Variants in ADPRHL1 observed in about 807,000 individuals in gnomAD.
The protein encoded by ADPRHL1 is ADP-ribosylhydrolase like 1.
Under a neutral mutation model 44.1 loss-of-function variants are expected in ADPRHL1, and 43 were observed. The observed-to-expected ratio is 0.98, with a 90% CI of 0.76 to 1.26. The LOEUF is 1.26. Ranked by LOEUF, ADPRHL1 falls within the 50% of genes most tolerant of loss-of-function variation. The pLI is 0.00. For synonymous variants in ADPRHL1, 878 were observed against 1,017.4 expected (o/e 0.86, Z 2.61); for missense variants, 2,022 against 2,496.9 (o/e 0.81, Z 4.05).
At chr13:113,431,099 A>T (rs984117278) in intron 3 of ADPRHL1, among the ~76,000 whole-genome samples, 3 of 152,032 alleles carry the variant, frequency 2.0e-5, no homozygotes, top group Admixed American at 2.0e-4. Flanking sequence ...ACAGCCACCT[A>T]GGAGAGGGGC....
chr13:113,435,214 C>G lies in ADPRHL1; in HGVS notation c.380-1347G>C, dbSNP rs74406937. Among the ~76,000 whole-genome samples, 60 of 12,528 alleles carry G rather than the reference C, an allele frequency of 4.8e-3. 2 individuals are homozygous for G. Among genetic ancestry groups the G allele is most frequent in the East Asian group, 9.1e-3 (2 of 220 alleles). The allele number at this position is 12,528 out of a possible 152,430, so 8.2% of individuals were successfully genotyped here. A position where few individuals can be genotyped will look rare whatever the true frequency, so the allele number is the denominator to read the frequency against. On this transcript the variant is annotated intron_variant, in intron 2 of 7. Transcript: ENST00000612156. ...GAGGCGTAGAGTGAACATAGGTGTA[C>G]CCCGGGACCCAGCACCCAGGTGTAG... is the stretch of plus-strand genomic sequence containing the variant.
intron 7 of ADPRHL1, among the ~76,000 whole-genome samples, chr13:113,419,055 T>TTTCCTTCCCTCCCTCC (rs1566470041): frequency 7.9e-6 from 1 of 126,190 alleles, no homozygotes; most frequent in African/African-American, 2.9e-5. Flanking sequence ...CCTTCCTTCT[T>TTTCCTTCCCTCCCTCC]CTCCTTCCTT....
At chr13:113,429,606 C>T (rs538259455) in intron 3 of ADPRHL1, among the ~76,000 whole-genome samples, 1 of 152,264 alleles carries the variant, frequency 6.6e-6, no homozygotes, top group East Asian at 1.9e-4. Context: ...ATTGGGAACA[C>T]CGCGTCACGT....
chr13:113,451,878 G>A (rs1025014783), intron 1 of ADPRHL1, among the ~76,000 whole-genome samples: 3 of 152,156 alleles, frequency 2.0e-5, no homozygotes, highest in Admixed American at 6.5e-5. Context: ...GTGTCCTGTT[G>A]GGCCGATCTC....
At position 113,405,765 on chromosome 13, in the gene ADPRHL1, C is replaced by G. The variant is rs1417220471; in HGVS notation, c.3517G>C (p.Gly1173Arg). The G allele has an allele frequency of 8.1e-7, 1 of 1,231,800 alleles. No homozygotes were observed. The highest frequency in any genetic ancestry group is 1.0e-6 in the Non-Finnish European group (1 of 988,028). 76.3% of individuals were successfully genotyped at this position (1,231,800 alleles called of 1,614,324 possible). A position where few individuals can be genotyped will look rare whatever the true frequency, so the allele number is the denominator to read the frequency against. The change falls in exon 8 of 8, where the codon GGC becomes CGC. Residue 1173 changes from glycine (G) to arginine (R), a missense_variant. Around this residue, in one of 8 missense-constraint regions of ADPRHL1, gnomAD observed 1,221 missense variants for 1,517.8 expected, o/e 0.80. Coordinates refer to ENST00000612156, the MANE Select transcript of ADPRHL1 (RefSeq NM_001394807.1). ...AAGGATCCCCCAGGGGCCAGGAGGCCGTGGCTGTGAGGGTCTCGAGGGAGA... is the reference window on the plus strand; with the variant it reads ...AAGGATCCCCCAGGGGCCAGGAGGCGGTGGCTGTGAGGGTCTCGAGGGAGA... ...EALPRDPHSH[G>R]LLAPGGSLEP...
intron 2 of ADPRHL1, 146 bp from the exon 3 acceptor site, chr13:113,434,013 C>G: frequency 8.0e-7 from 1 of 1,242,488 alleles, no homozygotes; most frequent in Non-Finnish European, 1.1e-6. Flanking sequence ...GAGCCATGGG[C>G]AGGCCACTCA....
rs892859389 is a variant in ADPRHL1, at chr13:113,407,627, C to T, written c.1655G>A (p.Arg552Gln). The change falls in exon 8 of 8, where the codon CGG (arginine) becomes CAG (glutamine). Residue 552 changes from arginine (R) to glutamine (Q), a missense_variant. This residue lies in a region of ADPRHL1 where 1,221 missense variants were observed against 1,517.8 expected (regional missense o/e 0.80). Coordinates refer to ENST00000612156, the MANE Select transcript of ADPRHL1 (RefSeq NM_001394807.1). ...GCAGCTGTTCTGCTCGAACTTCTCC[C>T]GCAGCTTGGACAGCACCGAGCTCTT... ...MGKSSVLSKL[R>Q]EKFEQNSCLC... is the part of the protein sequence containing the mutation. 6.4e-5 allele frequency: 79 copies of T among 1,231,976 alleles called. No individual in the cohort carries two copies. Among genetic ancestry groups the T allele is most frequent in the Admixed American group, 8.4e-5 (2 of 23,708 alleles). 76.3% of individuals were successfully genotyped at this position (1,231,976 alleles called of 1,614,324 possible). A position where few individuals can be genotyped will look rare whatever the true frequency, so the allele number is the denominator to read the frequency against.
intron 6 of ADPRHL1, among the ~76,000 whole-genome samples, chr13:113,423,974 C>G (rs768631464): frequency 6.6e-6 from 1 of 152,192 alleles, no homozygotes; most frequent in East Asian, 1.9e-4. Context: ...CTGGAGCTCA[C>G]AGCAGGCACC....
At chr13:113,425,419 C>T (rs12870456) in intron 4 of ADPRHL1, among the ~76,000 whole-genome samples, 121,182 of 152,216 alleles carry the variant, frequency 0.8, 48,971 homozygotes, top group Non-Finnish European at 0.87. Flanking sequence ...TCTTTTTTTC[C>T]TGAGACGAAG....
intron 1 of ADPRHL1, among the ~76,000 whole-genome samples, chr13:113,446,472 C>T (rs900623706): frequency 7.2e-5 from 11 of 152,326 alleles, no homozygotes; most frequent in South Asian, 4.1e-4. Flanking sequence ...GAGGCGTGGC[C>T]GGCTGGCCTG....
In ADPRHL1 at chr13:113,400,208, C is replaced by G. The variant is rs1043374426; in HGVS notation, c.*3170G>C. 3.4e-5 allele frequency: 5 copies of G among 146,068 alleles called. No homozygotes were observed. The highest frequency in any genetic ancestry group is 7.6e-5 in the African/African-American group (3 of 39,304). 9.0% of individuals were successfully genotyped at this position (146,068 alleles called of 1,614,324 possible). A position where few individuals can be genotyped will look rare whatever the true frequency, so the allele number is the denominator to read the frequency against. On this transcript the variant is annotated 3_prime_UTR_variant, in exon 8 of 8. Transcript: ENST00000612156. ...TCACCCAGGCTGGAGTGCAGTGGCG[C>G]AATCTCGGCTCACTGCAAGCTCCAC...
In ADPRHL1 at chr13:113,444,554, C is replaced by T; in HGVS notation, c.250G>A (p.Val84Met). 6.2e-7 allele frequency: 1 copy of T among 1,614,182 alleles called. No individual in the cohort carries two copies. Among genetic ancestry groups the T allele is most frequent in the Non-Finnish European group, 8.5e-7 (1 of 1,180,040 alleles). Residue 84 changes from valine to methionine, a missense_variant, in exon 2 of 8, where the codon GTG (valine) becomes ATG (methionine). Physicochemically the swap from Val to Met is conservative, Grantham distance 21. This residue lies in a region of ADPRHL1 where 437 missense variants were observed against 430.7 expected (regional missense o/e 1.01). Coordinates refer to ENST00000612156, the MANE Select transcript of ADPRHL1 (RefSeq NM_001394807.1). ...TCAACGATTTCCACATAGCATCTCA[C>T]CATCTCCCGGTACAGATCATCCAGG... ...WCLDDLYREM[V>M]RCYVEIVEKL...
Position 113,433,800 on chromosome 13 carries a change from C to T in ADPRHL1, c.447G>A (p.Leu149=), listed in dbSNP as rs1291430911. Residue 149 remains leucine (L), a synonymous_variant, in exon 3 of 8, where the codon CTG becomes CTA. Transcript: ENST00000612156. ...CCACGCTGACCTCGATGAGGGTCTC[C>T]AGCCGCTCAGGCTTCCAGTACCGCA... ...IGLRYWKPER[L]ETLIEVSVEC... The T allele has an allele frequency of 6.3e-7, 1 of 1,588,408 alleles. No homozygotes were observed. The highest frequency in any genetic ancestry group is 1.7e-5 in the Admixed American group (1 of 57,190).
At chr13:113,419,058 C>A (rs1176233301) in intron 7 of ADPRHL1, among the ~76,000 whole-genome samples, 63 of 103,928 alleles carry the variant, frequency 6.1e-4, no homozygotes, top group African/African-American at 1.9e-3. Flanking sequence ...TCCTTCTTCT[C>A]CTTCCTTCAC....
chr13:113,452,385 G>A (rs915966984), intron 1 of ADPRHL1, among the ~76,000 whole-genome samples: 14 of 152,220 alleles, frequency 9.2e-5, no homozygotes, highest in African/African-American at 3.1e-4. Context: ...AACTGGGCAC[G>A]TCCATGGCAG....
chr13:113,443,258 C>G (rs1403147339), intron 2 of ADPRHL1, among the ~76,000 whole-genome samples: 3 of 152,096 alleles, frequency 2.0e-5, no homozygotes, highest in Non-Finnish European at 1.5e-5. Flanking sequence ...TGACCTTTGT[C>G]TTGGGATACA....
rs1419782332 is a variant in ADPRHL1 at position 113,404,702 on chromosome 13, C to G, written c.4580G>C (p.Gly1527Ala). The G allele has an allele frequency of 3.1e-6, 4 of 1,281,724 alleles. No individual in the cohort carries two copies. The highest frequency in any genetic ancestry group is 2.9e-6 in the Non-Finnish European group (3 of 1,020,516). The allele number at this position is 1,281,724 out of a possible 1,614,324, so 79.4% of individuals were successfully genotyped here. A position where few individuals can be genotyped will look rare whatever the true frequency, so the allele number is the denominator to read the frequency against. The change falls in exon 8 of 8, where the codon GGG becomes GCG. Residue 1527 changes from glycine to alanine, a missense_variant. By Grantham distance (60) the Gly-to-Ala change is moderately conservative. Coordinates refer to ENST00000612156, the MANE Select transcript of ADPRHL1 (RefSeq NM_001394807.1). ...QGQAQEQAQG[G>A]TQGHSQGQAQ... ...CTGTCCCTGACTGTGTCCCTGGGTC[C>G]CACCCTGAGCCTGTTCCTGTGCCTG... is the stretch of plus-strand genomic sequence containing the variant.
chr13:113,448,465 C>CAAAAAAAAAAAAA (rs61278696), intron 1 of ADPRHL1, among the ~76,000 whole-genome samples: 1 of 39,844 alleles, frequency 2.5e-5, no homozygotes, highest in Non-Finnish European at 4.4e-5. Context: ...GACTATGTCC[C>CAAAAAAAAAAAAA]AAAAAAAAAA....
rs374552113 is a variant in ADPRHL1, at chr13:113,405,814, G to A, written c.3468C>T (p.Ser1156=). The A allele has an allele frequency of 1.5e-5, 18 of 1,231,836 alleles. No homozygotes were observed. In the African/African-American group the frequency reaches 1.9e-4, roughly 13 times the overall value. 76.3% of individuals were successfully genotyped at this position (1,231,836 alleles called of 1,614,324 possible). A position where few individuals can be genotyped will look rare whatever the true frequency, so the allele number is the denominator to read the frequency against. The stretch of plus-strand genomic sequence containing the variant: ...GAGCCTCTCCTCTGGGGTGGCTTTC[G>A]GACAAGGCTCTGCTTCCCCACTGGC... ...TLGQWGSRAL[S]ESHPRGEALP... The change falls in exon 8 of 8, where the codon TCC becomes TCT. Residue 1156 remains serine, a synonymous_variant. Transcript: ENST00000612156.
Sources: allele counts gnomAD v4.1 joint callset (sites outside exome capture counted in the v4.1 genomes callset), GRCh38; gene constraint gnomAD v4.1.1; regional missense constraint gnomAD v4.1.1; transcripts MANE v1.5; gene names NCBI Gene and HGNC (gene_info 2026-07-23, HGNC 2026-07-21).